The following MYOM2 variants were observed in gnomAD, a reference collection of about 807,000 sequenced individuals.
MYOM2 encodes the protein myomesin-2.
MYOM2 carries 254 observed loss-of-function variants against 187.6 expected under a neutral mutation model. The observed-to-expected ratio is 1.35, with a 90% CI of 1.22 to 1.50. MYOM2 has a LOEUF of 1.50. Among genes scored for constraint, MYOM2 ranks in the 40% most tolerant of loss-of-function variants. MYOM2 has a pLI of 0.00. For synonymous variants in MYOM2, 981 were observed against 753.8 expected (o/e 1.30, Z -4.94); for missense variants, 2,796 against 1,924.0 (o/e 1.45, Z -8.48).
chr8:2,142,188 A>G (rs1798296458), intron 34 of MYOM2, among the ~76,000 whole-genome samples, 187 bp from the exon 35 acceptor site: 1 of 152,152 alleles, frequency 6.6e-6, no homozygotes. Flanking sequence ...AGTGGGAACC[A>G]TCAGGAAAAA....
intron 28 of MYOM2, chr8:2,119,153 C>G (rs1797342423): frequency 6.6e-6 from 1 of 152,228 alleles, no homozygotes; most frequent in African/African-American, 2.4e-5. Flanking sequence ...AACCTGGCAG[C>G]AATGGGAAAG....
In MYOM2 at chr8:2,143,411, G is replaced by T; in HGVS notation, c.4035G>T (p.Arg1345Ser). Residue 1345 changes from arginine to serine, a missense_variant, in exon 36 of 37, where the codon AGG (arginine) becomes AGT (serine). Coordinates refer to ENST00000262113, the MANE Select transcript of MYOM2 (RefSeq NM_003970.4). ...GCTTTCCCGTTGCAGATCGTGGCAG[G>T]TTGATCGGCGGCTTGCCTGACGTGG... Reference protein sequence around the residue: ...AAAFAEKNRGRLIGGLPDVVT... With the variant: ...AAAFAEKNRGSLIGGLPDVVT... The T allele has an allele frequency of 3.1e-6, 5 of 1,614,204 alleles. No individual in the cohort carries two copies. Among genetic ancestry groups the T allele is most frequent in the East Asian group, 2.2e-5 (1 of 44,858 alleles).
chr8:2,077,037 C>T (rs79772670), intron 11 of MYOM2, among the ~76,000 whole-genome samples: 3,487 of 152,244 alleles, frequency 0.023, 72 homozygotes, highest in South Asian at 0.068. Flanking sequence ...TCTGGCTGGG[C>T]ACGGTGGCTC....
At chr8:2,089,510 G>T (rs537472601) in intron 14 of MYOM2, among the ~76,000 whole-genome samples, 1 of 152,216 alleles carries the variant, frequency 6.6e-6, no homozygotes, top group South Asian at 2.1e-4. Flanking sequence ...ATGGCCATGA[G>T]GTTTTTAATC....
intron 18 of MYOM2, 152 bp downstream of exon 18, chr8:2,096,586 A>T (rs7820357): frequency 1.3e-6 from 1 of 782,374 alleles, no homozygotes; most frequent in African/African-American, 1.8e-5. Flanking sequence ...TTTTGGAGCT[A>T]AAAAGATCCT....
At chr8:2,110,185 T>C (rs1441548488) in intron 25 of MYOM2, among the ~76,000 whole-genome samples, 1 of 152,162 alleles carries the variant, frequency 6.6e-6, no homozygotes, top group East Asian at 1.9e-4. Context: ...TAGTTGGGCA[T>C]GGTGATGCTC....
chr8:2,096,988 G>A, intron 18 of MYOM2: 1 of 319,082 alleles, frequency 3.1e-6, no homozygotes, highest in Middle Eastern at 1.5e-3. Context: ...CCCCTTGGCA[G>A]CCATTGCTCT....
At position 2,082,680 on chromosome 8, in the gene MYOM2, C is replaced by A. The variant is rs143552394; in HGVS notation, c.1517-2583C>A. 1.8e-3 allele frequency among the ~76,000 whole-genome samples: 270 copies of A among 152,232 alleles called. 2 individuals are homozygous for A. The highest frequency in any genetic ancestry group is 6.0e-3 in the African/African-American group (249 of 41,538). The stretch of plus-strand genomic sequence containing the variant: ...TATTTTTGGAAAGGCCAGAATAGAC[C>A]CTCACAGAATATAATAAGAGCGTTT... On this transcript the variant is annotated intron_variant, in intron 13 of 36. Coordinates refer to ENST00000262113, the MANE Select transcript of MYOM2 (RefSeq NM_003970.4).
At chr8:2,090,305 A>G in intron 15 of MYOM2, 114 bp downstream of exon 15, 1 of 1,019,442 alleles carries the variant, frequency 9.8e-7, no homozygotes. Flanking sequence ...GTTGAAGTTC[A>G]AGTGGACTTA....
chr8:2,084,170 C>T (rs1343969019), intron 13 of MYOM2, among the ~76,000 whole-genome samples: 1 of 152,184 alleles, frequency 6.6e-6, no homozygotes, highest in African/African-American at 2.4e-5. Context: ...GGACACGGTG[C>T]ACGGGTGGAG....
intron 19 of MYOM2, among the ~76,000 whole-genome samples, chr8:2,100,658 C>T (rs1002489944): frequency 1.6e-4 from 24 of 151,934 alleles, no homozygotes; most frequent in African/African-American, 2.9e-4. Flanking sequence ...CGTAGATCCA[C>T]GTAGGCTGGG....
At chr8:2,112,505 G>C (rs866454837) in intron 25 of MYOM2, among the ~76,000 whole-genome samples, 3 of 152,124 alleles carry the variant, frequency 2.0e-5, no homozygotes, top group Non-Finnish European at 2.9e-5. Flanking sequence ...AAGTGGAGGG[G>C]TGGGCTCAAC....
At chr8:2,096,456 C>T (rs766934878) in intron 18 of MYOM2, 22 bp downstream of exon 18, 12 of 1,610,186 alleles carry the variant, frequency 7.5e-6, no homozygotes, top group African/African-American at 5.3e-5. Context: ...TTTATTCCTT[C>T]GTCTATTTTT....
At chr8:2,131,971 C>G (rs1174323702) in intron 32 of MYOM2, among the ~76,000 whole-genome samples, 2 of 152,126 alleles carry the variant, frequency 1.3e-5, no homozygotes, top group Non-Finnish European at 2.9e-5. Flanking sequence ...ACCTTTATAA[C>G]TAAACTATAA....
In MYOM2 at chr8:2,143,283, C is replaced by T. The variant is rs538828289; in HGVS notation, c.4025-118C>T. On this transcript the variant is annotated intron_variant, in intron 35 of 36. Transcript: ENST00000262113. ...AACCTTTTTCTTTGATGCTCGCTCT[C>T]TCCTGAGCATAAACTCCTCACCACA... is the stretch of plus-strand genomic sequence containing the variant. 517 of 1,153,828 alleles carry T rather than the reference C, an allele frequency of 4.5e-4. 1 individual carries two copies. Among genetic ancestry groups the T allele is most frequent in the Middle Eastern group, 2.1e-3 (11 of 5,194 alleles). 71.5% of individuals were successfully genotyped at this position (1,153,828 alleles called of 1,614,324 possible). A position where few individuals can be genotyped will look rare whatever the true frequency, so the allele number is the denominator to read the frequency against.
rs371261039 is a variant in MYOM2 at position 2,144,821 on chromosome 8, C to T, written c.4238C>T (p.Ser1413Leu). Residue 1413 changes from serine (S) to leucine (L), a missense_variant, in exon 37 of 37, where the codon TCG becomes TTG. Physicochemically the swap from Ser to Leu is moderately radical, Grantham distance 145 (BLOSUM62 -2). Transcript: ENST00000262113. Reference sequence around the variant, plus strand: ...ATCAAAGGCGTGACCTCCGAGGACTCGGGCAAGTACAGCATCAACATCAAG... The same window carrying T: ...ATCAAAGGCGTGACCTCCGAGGACTTGGGCAAGTACAGCATCAACATCAAG... ...MTIKGVTSED[S>L]GKYSINIKNK... The T allele has an allele frequency of 3.7e-6, 6 of 1,614,038 alleles. No homozygotes were observed. The African/African-American group carries it at 4.0e-5, about 11-fold the overall frequency.
chr8:2,115,625 T>G (rs1293408810), intron 25 of MYOM2, among the ~76,000 whole-genome samples: 1 of 152,208 alleles, frequency 6.6e-6, no homozygotes, highest in Non-Finnish European at 1.5e-5. Flanking sequence ...TCGTTATCAT[T>G]CATATCAATT....
At chr8:2,083,387 A>G (rs1819697240) in intron 13 of MYOM2, among the ~76,000 whole-genome samples, 2 of 151,828 alleles carry the variant, frequency 1.3e-5, no homozygotes, top group Non-Finnish European at 2.9e-5. Flanking sequence ...GCTTAGCGGC[A>G]TCTCACATGT....
Position 2,079,592 on chromosome 8 carries a change from A to C in MYOM2, c.1495A>C (p.Ile499Leu). 1 of 1,614,112 alleles carries C rather than the reference A, an allele frequency of 6.2e-7. No homozygotes were observed. The highest frequency in any genetic ancestry group is 1.1e-5 in the South Asian group (1 of 91,072). The change falls in exon 13 of 37, where the codon ATT becomes CTT. Residue 499 changes from isoleucine (I) to leucine (L), a missense_variant. Transcript: ENST00000262113. ...TTTGGAGGGAGAGAAGGAGATTGCC[A>C]TTTATCAGGATGACCTTGAAGGTAA... The part of the protein sequence containing the change: ...VHLEGEKEIA[I>L]YQDDLEGDAQ...
Sources: allele counts gnomAD v4.1 joint callset (sites outside exome capture counted in the v4.1 genomes callset), GRCh38; gene constraint gnomAD v4.1.1; transcripts MANE v1.5; gene names NCBI Gene and HGNC (gene_info 2026-07-23, HGNC 2026-07-21).